The following TENM3 variants were observed in gnomAD, a reference collection of about 807,000 sequenced individuals.
TENM3 encodes the protein teneurin transmembrane protein 3, also known as teneurin-3.
In TENM3, 63 loss-of-function variants were observed where a neutral mutation model predicts 255.1. That is an observed-to-expected ratio of 0.25 (90% CI 0.20 to 0.30). The LOEUF (loss-of-function observed/expected upper bound fraction) is 0.30, where lower values mean the gene tolerates loss of function less well. Ranked by LOEUF, TENM3 falls within the 10% of genes least tolerant of loss-of-function variation. TENM3 has a pLI of 1.00. For synonymous variants in TENM3, 1,306 were observed against 1,322.3 expected, an observed-to-expected ratio of 0.99 and a Z score of 0.27; for missense variants, 2,929 against 3,461.1, an observed-to-expected ratio of 0.85 and a Z score of 3.86.
At chr4:181,868,787 T>C in the TENM3 span, among the ~76,000 whole-genome samples, 1 of 152,188 alleles carries the variant, frequency 6.6e-6, no homozygotes. Flanking sequence ...TCTTAAAGAC[T>C]TTATTGTATT....
At chr4:181,527,347 G>T in the TENM3 span, among the ~76,000 whole-genome samples, 192 of 152,128 alleles carry the variant, frequency 1.3e-3, 1 homozygote, top group Non-Finnish European at 2.2e-3. Flanking sequence ...TCAGGTTTTT[G>T]GGTGTTTTTA....
intron 1 of TENM3, among the ~76,000 whole-genome samples, chr4:182,307,024 C>G (rs1055925954): frequency 6.6e-6 from 1 of 152,212 alleles, no homozygotes; most frequent in African/African-American, 2.4e-5. Flanking sequence ...TTTACTACCA[C>G]ATACTGTAGA....
chr4:182,410,026 C>T (rs72699967), intron 3 of TENM3, among the ~76,000 whole-genome samples: 12,016 of 152,024 alleles, frequency 0.079, 783 homozygotes, highest in East Asian at 0.22. Flanking sequence ...GGGGTTTCAC[C>T]GTGTTGCTCA....
the TENM3 span, among the ~76,000 whole-genome samples, chr4:181,500,714 GTATTTACTTTTATCGA>G: frequency 1.3e-5 from 2 of 152,124 alleles, no homozygotes; most frequent in Non-Finnish European, 2.9e-5. Context: ...GTCCCCATTT[GTATTTACTTTTATCGA>G]TAATACGAGG....
chr4:182,043,084 C>A, the TENM3 span, among the ~76,000 whole-genome samples: 1 of 151,854 alleles, frequency 6.6e-6, no homozygotes, highest in Non-Finnish European at 1.5e-5. Context: ...TCAAGCTCTG[C>A]GTTTTTACAT....
At chr4:182,613,263 T>C (rs1749177624) in intron 4 of TENM3, among the ~76,000 whole-genome samples, 1 of 152,204 alleles carries the variant, frequency 6.6e-6, no homozygotes, top group South Asian at 2.1e-4. Flanking sequence ...TGAAAACATG[T>C]AAGAATATAA....
chr4:182,594,621 T>C (rs1747003894), intron 3 of TENM3, among the ~76,000 whole-genome samples: 2 of 151,990 alleles, frequency 1.3e-5, no homozygotes, highest in South Asian at 4.2e-4. Flanking sequence ...GACAAGGCTT[T>C]TCTGTTACTT....
At chr4:182,174,502 T>TCACACACACACACACA (rs71605053) in intron 1 of TENM3, among the ~76,000 whole-genome samples, 209 of 137,678 alleles carry the variant, frequency 1.5e-3, no homozygotes, top group South Asian at 7.3e-3. Context: ...AGCTACTAAT[T>TCACACACACACACACA]CACACACACA....
intron 3 of TENM3, among the ~76,000 whole-genome samples, chr4:182,417,542 A>G (rs7676039): frequency 0.014 from 2,117 of 152,252 alleles, 25 homozygotes; most frequent in African/African-American, 0.03. Context: ...GGATAATGAT[A>G]GAAAAAAATT....
chr4:182,601,693 C>G (rs1427536326), intron 4 of TENM3, among the ~76,000 whole-genome samples: 1 of 152,186 alleles, frequency 6.6e-6, no homozygotes. Flanking sequence ...GACCTACTCT[C>G]TAAAGTTCCT....
intron 3 of TENM3, among the ~76,000 whole-genome samples, chr4:182,566,106 A>G (rs1217977281): frequency 6.6e-6 from 1 of 152,186 alleles, no homozygotes; most frequent in Non-Finnish European, 1.5e-5. Context: ...TCTGCTACCA[A>G]TTATGTGCTA....
At chr4:182,003,558 T>G in the TENM3 span, among the ~76,000 whole-genome samples, 79 of 152,240 alleles carry the variant, frequency 5.2e-4, no homozygotes, top group African/African-American at 1.9e-3. Context: ...ATGATTTGAT[T>G]TTTTTGCAAG....
intron 5 of TENM3, among the ~76,000 whole-genome samples, chr4:182,644,817 C>A (rs1319209649): frequency 6.6e-6 from 1 of 152,070 alleles, no homozygotes; most frequent in Non-Finnish European, 1.5e-5. Flanking sequence ...TACCACAAGA[C>A]AACCTAAAAA....
upstream of TENM3, among the ~76,000 whole-genome samples, chr4:182,242,966 C>T (rs1757375309): frequency 6.6e-6 from 1 of 152,184 alleles, no homozygotes; most frequent in Non-Finnish European, 1.5e-5. Context: ...CACTAGGTTT[C>T]TGACTTGCAT....
chr4:182,497,927 C>A (rs911920472), intron 3 of TENM3, among the ~76,000 whole-genome samples: 1 of 148,770 alleles, frequency 6.7e-6, no homozygotes, highest in Admixed American at 6.6e-5. Context: ...TTCACAAAGC[C>A]TTGTACATGT....
the TENM3 span, among the ~76,000 whole-genome samples, chr4:181,988,252 C>T: frequency 6.6e-6 from 1 of 152,032 alleles, no homozygotes; most frequent in Non-Finnish European, 1.5e-5. Flanking sequence ...ATATTTCCTG[C>T]TGTGCCATCA....
intron 3 of TENM3, among the ~76,000 whole-genome samples, chr4:182,394,300 T>A (rs1001969697): frequency 6.6e-6 from 1 of 152,182 alleles, no homozygotes; most frequent in African/African-American, 2.4e-5. Flanking sequence ...AGAGCATATT[T>A]ACCTATTCCT....
the TENM3 span, among the ~76,000 whole-genome samples, chr4:181,518,770 C>T: frequency 2.6e-5 from 4 of 152,070 alleles, no homozygotes; most frequent in African/African-American, 9.7e-5. Context: ...GAAAATCCTT[C>T]CTAGCCACCT....
intron 3 of TENM3, among the ~76,000 whole-genome samples, chr4:182,481,632 T>C (rs1322622418): frequency 6.6e-6 from 1 of 152,086 alleles, no homozygotes; most frequent in Non-Finnish European, 1.5e-5. Flanking sequence ...CCGTCTCTAC[T>C]AAAATACACA....
Sources: gnomAD v4.1 joint callset for allele counts (sites outside exome capture counted in the v4.1 genomes callset) on GRCh38, gnomAD v4.1.1 for gene constraint, MANE v1.5 for transcripts, NCBI Gene and HGNC (gene_info 2026-07-23, HGNC 2026-07-21) for gene names.